Variants in ADARB2 observed in about 807,000 individuals in gnomAD.
ADARB2 encodes the protein inactive double-stranded RNA-specific editase B2.
ADARB2 carries 25 observed loss-of-function variants against 62.2 expected under a neutral mutation model. The ratio of observed to expected loss-of-function variants is 0.40; its 90% CI spans 0.29 to 0.56. The LOEUF is 0.56. Ranked by LOEUF, ADARB2 falls within the 20% of genes least tolerant of loss-of-function variation. The pLI is 0.43. For missense variants in ADARB2, 1,071 were observed against 1,077.4 expected, an observed-to-expected ratio of 0.99 and a Z score of 0.08; for synonymous variants, 572 against 500.8, an observed-to-expected ratio of 1.14 and a Z score of -1.90.
At chr10:1,305,824 C>T (rs1831621805) in intron 3 of ADARB2, among the ~76,000 whole-genome samples, 1 of 152,100 alleles carries the variant, frequency 6.6e-6, no homozygotes, top group African/African-American at 2.4e-5. Flanking sequence ...TCAATAGATG[C>T]AGAAAAGGCC....
intron 1 of ADARB2, among the ~76,000 whole-genome samples, chr10:1,582,399 A>C (rs1238813287): frequency 6.6e-6 from 1 of 152,172 alleles, no homozygotes; most frequent in Admixed American, 6.5e-5. Context: ...GTTTGACTCC[A>C]CATTTTATGC....
At chr10:1,509,108 G>C (rs1017898801) in intron 1 of ADARB2, among the ~76,000 whole-genome samples, 1 of 152,174 alleles carries the variant, frequency 6.6e-6, no homozygotes, top group Non-Finnish European at 1.5e-5. Context: ...CTCGTTTCCT[G>C]CTTTCACTGC....
chr10:1,417,418 G>A (rs892840971), intron 1 of ADARB2, among the ~76,000 whole-genome samples: 1 of 152,174 alleles, frequency 6.6e-6, no homozygotes, highest in East Asian at 1.9e-4. Context: ...TCTGATGAGC[G>A]ATTTCTAAGG....
intron 1 of ADARB2, among the ~76,000 whole-genome samples, chr10:1,451,311 T>TGCTCC (rs1831034629): frequency 2.0e-5 from 3 of 152,196 alleles, no homozygotes; most frequent in Non-Finnish European, 4.4e-5. Flanking sequence ...GAGCGGTGTT[T>TGCTCC]ATCCTCTGGA....
intron 1 of ADARB2, among the ~76,000 whole-genome samples, chr10:1,389,552 G>T (rs1350297260): frequency 1.3e-5 from 2 of 152,054 alleles, no homozygotes; most frequent in Non-Finnish European, 2.9e-5. Context: ...AGACCAGCCT[G>T]GGCCACATGG....
chr10:1,622,598 G>A (rs527251416), intron 1 of ADARB2, among the ~76,000 whole-genome samples: 77 of 152,248 alleles, frequency 5.1e-4, no homozygotes, highest in Admixed American at 8.5e-4. Flanking sequence ...TTAGTAATTA[G>A]GGAAATGTAA....
At chr10:1,609,008 G>A (rs190308198) in intron 1 of ADARB2, among the ~76,000 whole-genome samples, 45 of 152,234 alleles carry the variant, frequency 3.0e-4, no homozygotes, top group Non-Finnish European at 6.3e-4. Flanking sequence ...CGGATTGCAC[G>A]GCTAATGCAG....
chr10:1,240,846 G>A (rs1466472812), intron 5 of ADARB2, among the ~76,000 whole-genome samples: 3 of 152,180 alleles, frequency 2.0e-5, no homozygotes, highest in Non-Finnish European at 2.9e-5. Flanking sequence ...GGACATTTAG[G>A]AGAAATCCTT....
chr10:1,301,967 G>A (rs1048949742), intron 3 of ADARB2, among the ~76,000 whole-genome samples: 2 of 152,290 alleles, frequency 1.3e-5, no homozygotes, highest in African/African-American at 4.8e-5. Context: ...TCACTCTGGT[G>A]TTGTGCACTG....
At chr10:1,406,440 G>T (rs1832708751) in intron 1 of ADARB2, among the ~76,000 whole-genome samples, 1 of 152,162 alleles carries the variant, frequency 6.6e-6, no homozygotes, top group Non-Finnish European at 1.5e-5. Flanking sequence ...AGGCTGGAGG[G>T]GTCACTGAAG....
chr10:1,309,686 G>A (rs1338574097), intron 3 of ADARB2, among the ~76,000 whole-genome samples: 1 of 152,226 alleles, frequency 6.6e-6, no homozygotes, highest in Non-Finnish European at 1.5e-5. Context: ...TGAGCCACTA[G>A]GCTCTGGTCT....
intron 2 of ADARB2, among the ~76,000 whole-genome samples, chr10:1,370,803 A>T (rs1180835054): frequency 6.6e-6 from 1 of 152,214 alleles, no homozygotes; most frequent in Non-Finnish European, 1.5e-5. Flanking sequence ...AAGAAATTGT[A>T]GACACAAACC....
Position 1,209,532 on chromosome 10 carries a change from G to C in ADARB2, c.1682+7419C>G, listed in dbSNP as rs1394940620. Among the ~76,000 whole-genome samples the C allele has an allele frequency of 6.6e-3, 563 of 85,716 alleles. 3 individuals carry two copies. The highest frequency in any genetic ancestry group is 0.024 in the African/African-American group (527 of 22,272). The allele number at this position is 85,716 out of a possible 152,430, so 56.2% of individuals were successfully genotyped here. On this transcript the variant is annotated intron_variant, in intron 7 of 9. Coordinates refer to ENST00000381312, the MANE Select transcript of ADARB2 (RefSeq NM_018702.4). ...ACTGTCACCCATGCCCACACCTACA[G>C]CCTCGCCCACACCCATGCCATCACC...
At chr10:1,425,282 TATATACCACCTGTTTCTC>T (rs1374349200) in intron 1 of ADARB2, among the ~76,000 whole-genome samples, 1 of 152,238 alleles carries the variant, frequency 6.6e-6, no homozygotes, top group Non-Finnish European at 1.5e-5. Context: ...TCTCCTGCCC[TATATACCACCTGTTTCTC>T]AGGATACTTT....
chr10:1,371,294 G>A (rs1248998782), intron 2 of ADARB2, among the ~76,000 whole-genome samples: 4 of 152,048 alleles, frequency 2.6e-5, no homozygotes, highest in Non-Finnish European at 4.4e-5. Flanking sequence ...AAATTAATTC[G>A]ACGATGGATT....
chr10:1,544,341 C>T (rs776904156), intron 1 of ADARB2, among the ~76,000 whole-genome samples: 4 of 152,196 alleles, frequency 2.6e-5, no homozygotes, highest in African/African-American at 7.2e-5. Context: ...CCCGGGGGTG[C>T]GGAGTGTTGG....
intron 1 of ADARB2, among the ~76,000 whole-genome samples, chr10:1,482,900 A>G (rs1831491099): frequency 6.6e-6 from 1 of 151,598 alleles, no homozygotes; most frequent in South Asian, 2.1e-4. Context: ...AGCTGTCAAA[A>G]TTTTCTTTAT....
intron 8 of ADARB2, among the ~76,000 whole-genome samples, chr10:1,190,271 C>T (rs773086634): frequency 1.3e-5 from 2 of 152,100 alleles, no homozygotes; most frequent in Non-Finnish European, 2.9e-5. Context: ...TCCCACGCTT[C>T]TCACTCTGCA....
intron 3 of ADARB2, among the ~76,000 whole-genome samples, chr10:1,308,612 C>G (rs780647350): frequency 3.3e-5 from 5 of 152,210 alleles, no homozygotes; most frequent in Non-Finnish European, 7.3e-5. Context: ...TTTTGCACTC[C>G]CACCAGCAGC....
Sources: allele counts gnomAD v4.1 joint callset (sites outside exome capture counted in the v4.1 genomes callset), GRCh38; gene constraint gnomAD v4.1.1; transcripts MANE v1.5; gene names NCBI Gene and HGNC (gene_info 2026-07-23, HGNC 2026-07-21).